BRINP3: variants seen among roughly 807,000 people sequenced by gnomAD.
The protein encoded by BRINP3 is BMP/retinoic acid-inducible neural-specific protein 3.
A neutral mutation model predicts 71.0 loss-of-function variants in BRINP3; 19 were observed. That is an observed-to-expected ratio of 0.27 (90% CI 0.19 to 0.39). The LOEUF (loss-of-function observed/expected upper bound fraction) is 0.39, where lower values mean the gene tolerates loss of function less well. BRINP3 is among the 10% of genes least tolerant of loss of function. The pLI, the probability that BRINP3 is intolerant of heterozygous loss-of-function variation, is 1.00. For synonymous variants in BRINP3, 380 were observed against 337.7 expected (o/e 1.13, Z -1.37); for missense variants, 959 against 940.8 (o/e 1.02, Z -0.25).
chr1:190,443,046 G>A (rs1346769843), intron 2 of BRINP3, among the ~76,000 whole-genome samples: 1 of 151,310 alleles, frequency 6.6e-6, no homozygotes, highest in African/African-American at 2.4e-5. Flanking sequence ...CCAAGTAGCT[G>A]GGACTATGGG....
chr1:190,387,454 T>C (rs964713728), intron 2 of BRINP3, among the ~76,000 whole-genome samples: 2 of 151,882 alleles, frequency 1.3e-5, no homozygotes, highest in African/African-American at 4.8e-5. Flanking sequence ...CTCTGCTCTG[T>C]CAAAATGAAT....
chr1:190,233,192 G>A (rs147313165), intron 5 of BRINP3, among the ~76,000 whole-genome samples: 1 of 152,022 alleles, frequency 6.6e-6, no homozygotes, highest in Non-Finnish European at 1.5e-5. Flanking sequence ...AGTGTCGCAT[G>A]GACAGTGATG....
intron 1 of BRINP3, among the ~76,000 whole-genome samples, chr1:190,458,921 A>T (rs189242863): frequency 1.3e-4 from 20 of 152,024 alleles, no homozygotes; most frequent in Middle Eastern, 3.4e-3. Context: ...TGGGAGAGTG[A>T]TTTTATATAA....
chr1:190,382,051 G>A (rs533686643), intron 2 of BRINP3, among the ~76,000 whole-genome samples: 3 of 151,976 alleles, frequency 2.0e-5, no homozygotes, highest in Non-Finnish European at 4.4e-5. Context: ...TGGAGCAAAC[G>A]TGTGGCTATA....
chr1:190,293,990 A>G (rs1468159017), intron 2 of BRINP3, among the ~76,000 whole-genome samples: 1 of 152,010 alleles, frequency 6.6e-6, no homozygotes, highest in East Asian at 1.9e-4. Context: ...TTCAGCCACA[A>G]AATTTTAATT....
chr1:190,307,914 T>C (rs891410393), intron 2 of BRINP3, among the ~76,000 whole-genome samples: 1 of 151,978 alleles, frequency 6.6e-6, no homozygotes, highest in Non-Finnish European at 1.5e-5. Flanking sequence ...TAGGAAACTT[T>C]AGAAGCAAAA....
chr1:190,130,346 C>G (rs919113927), intron 7 of BRINP3, among the ~76,000 whole-genome samples: 1 of 151,924 alleles, frequency 6.6e-6, no homozygotes, highest in African/African-American at 2.4e-5. Context: ...CAATTTAAGT[C>G]TTTTATCAAA....
chr1:190,344,861 A>G (rs1299441243), intron 2 of BRINP3, among the ~76,000 whole-genome samples: 1 of 151,850 alleles, frequency 6.6e-6, no homozygotes, highest in East Asian at 1.9e-4. Context: ...GCCATCAACG[A>G]CCTTAGGGAA....
Position 190,226,982 on chromosome 1 carries a change from C to A in BRINP3, c.725-664G>T, listed in dbSNP as rs577141724. 9.9e-5 allele frequency among the ~76,000 whole-genome samples: 15 copies of A among 151,976 alleles called. 2 individuals are homozygous for A. The South Asian group carries it at 3.1e-3, about 32-fold the overall frequency. ...TCTAGAAACATGTTTAGTAAAGTTGCTATCTCTTAAAAAACTGTCCAAAAT... is the reference window on the plus strand; with the variant it reads ...TCTAGAAACATGTTTAGTAAAGTTGATATCTCTTAAAAAACTGTCCAAAAT... On this transcript the variant is annotated intron_variant, in intron 5 of 7. Transcript: ENST00000367462.
At chr1:190,447,210 T>A (rs1675275823) in intron 2 of BRINP3, among the ~76,000 whole-genome samples, 1 of 150,786 alleles carries the variant, frequency 6.6e-6, no homozygotes, top group Non-Finnish European at 1.5e-5. Context: ...GAAAATATAA[T>A]ATTTAATTTC....
intron 6 of BRINP3, among the ~76,000 whole-genome samples, chr1:190,218,190 C>T (rs1332839198): frequency 6.6e-6 from 1 of 151,754 alleles, no homozygotes. Flanking sequence ...CCCAGACTCT[C>T]ATCCATCACA....
At chr1:190,411,744 G>A (rs1672675002) in intron 2 of BRINP3, among the ~76,000 whole-genome samples, 1 of 151,956 alleles carries the variant, frequency 6.6e-6, no homozygotes, top group African/African-American at 2.4e-5. Flanking sequence ...GAATAAAAAA[G>A]GTAGAGTGAA....
At chr1:190,116,902 C>T (rs1653182949) in intron 7 of BRINP3, among the ~76,000 whole-genome samples, 1 of 151,940 alleles carries the variant, frequency 6.6e-6, no homozygotes. Context: ...CTGTCAAATA[C>T]AGGGCTTTGG....
At chr1:190,152,530 A>AT (rs1571852849) in intron 7 of BRINP3, among the ~76,000 whole-genome samples, 1 of 29,894 alleles carries the variant, frequency 3.3e-5, no homozygotes, top group Non-Finnish European at 6.0e-5. Flanking sequence ...AATCTCCCCC[A>AT]ACCCCCCCCC....
intron 6 of BRINP3, among the ~76,000 whole-genome samples, chr1:190,164,480 C>A (rs1006587915): frequency 3.3e-5 from 5 of 151,882 alleles, no homozygotes; most frequent in African/African-American, 1.2e-4. Context: ...TATTATTGTG[C>A]TAATTATATT....
chr1:190,388,840 G>A (rs1344546445), intron 2 of BRINP3, among the ~76,000 whole-genome samples: 1 of 151,726 alleles, frequency 6.6e-6, no homozygotes, highest in Non-Finnish European at 1.5e-5. Context: ...ATAAATAAGT[G>A]AATAATCAAA....
intron 4 of BRINP3, 91 bp from the exon 5 acceptor site, chr1:190,234,568 T>TAA: frequency 1.1e-6 from 1 of 891,918 alleles, no homozygotes; most frequent in Non-Finnish European, 1.8e-6. Context: ...ATATTATACG[T>TAA]TTGACAGTAA....
chr1:190,241,108 A>G (rs1659048528), intron 4 of BRINP3, among the ~76,000 whole-genome samples: 1 of 152,024 alleles, frequency 6.6e-6, no homozygotes, highest in African/African-American at 2.4e-5. Context: ...TTTGGATTAA[A>G]TTGGTGGATA....
intron 4 of BRINP3, among the ~76,000 whole-genome samples, chr1:190,259,650 AT>A (rs1660996235): frequency 7.7e-6 from 1 of 130,596 alleles, no homozygotes; most frequent in African/African-American, 3.1e-5. Flanking sequence ...AAATAAATAA[AT>A]AAATAAATAA....
Sources: allele counts gnomAD v4.1 joint callset (sites outside exome capture counted in the v4.1 genomes callset), GRCh38; gene constraint gnomAD v4.1.1; transcripts MANE v1.5; gene names NCBI Gene and HGNC (gene_info 2026-07-23, HGNC 2026-07-21).